TRIM44: variants seen among roughly 807,000 people sequenced by gnomAD.
TRIM44 encodes tripartite motif-containing protein 44.
In TRIM44, 13 loss-of-function variants were observed where a neutral mutation model predicts 37.4. The ratio of observed to expected loss-of-function variants is 0.35; its 90% CI spans 0.23 to 0.55. The LOEUF (loss-of-function observed/expected upper bound fraction) is 0.55. Ranked by LOEUF, TRIM44 falls within the 20% of genes least tolerant of loss-of-function variation. TRIM44 has a pLI of 0.89. For missense variants in TRIM44, 426 were observed against 437.2 expected (o/e 0.97, Z 0.23); for synonymous variants, 175 against 157.2 (o/e 1.11, Z -0.85).
At chr11:35,732,038 T>C (rs544803689) in intron 3 of TRIM44, among the ~76,000 whole-genome samples, 139 of 152,346 alleles carry the variant, frequency 9.1e-4, no homozygotes, top group African/African-American at 3.2e-3. Flanking sequence ...TTAGTTCTTA[T>C]AACTTACTGT....
At chr11:35,791,226 C>T (rs635340) in intron 4 of TRIM44, among the ~76,000 whole-genome samples, 148,082 of 152,168 alleles carry the variant, frequency 0.97, 72,133 homozygotes, top group East Asian at 1. Context: ...TCTGTGCTGA[C>T]GATGTAATCA....
Position 35,663,024 on chromosome 11 carries a change from C to T in TRIM44, c.-88C>T. The T allele has an allele frequency of 7.0e-7, 1 of 1,435,110 alleles. No individual in the cohort carries two copies. The highest frequency in any genetic ancestry group is 9.1e-7 in the Non-Finnish European group (1 of 1,100,394). The allele number at this position is 1,435,110 out of a possible 1,614,324, so 88.9% of individuals were successfully genotyped here. Reference sequence around the variant, plus strand: ...CGGGAGGCGACTCCCTAGGAAGGGACCCGGGGCGGGAGGAGGAAGTGAGGC... The same window carrying T: ...CGGGAGGCGACTCCCTAGGAAGGGATCCGGGGCGGGAGGAGGAAGTGAGGC... On this transcript the variant is annotated 5_prime_UTR_variant, in exon 1 of 5. Coordinates refer to ENST00000299413, the MANE Select transcript of TRIM44 (RefSeq NM_017583.6).
chr11:35,682,702 G>C (rs566550512), intron 1 of TRIM44, among the ~76,000 whole-genome samples: 50 of 152,204 alleles, frequency 3.3e-4, no homozygotes, highest in Middle Eastern at 3.4e-3. Context: ...TCTCTTCCCT[G>C]GTTAGGCGAT....
intron 4 of TRIM44, among the ~76,000 whole-genome samples, chr11:35,759,328 C>T (rs1344376033): frequency 6.6e-6 from 1 of 152,242 alleles, no homozygotes; most frequent in Non-Finnish European, 1.5e-5. Flanking sequence ...ACGTAGTTCA[C>T]ATGCCATGGT....
chr11:35,690,775 T>C (rs1851629195), intron 2 of TRIM44, among the ~76,000 whole-genome samples: 1 of 152,216 alleles, frequency 6.6e-6, no homozygotes, highest in Admixed American at 6.5e-5. Context: ...ATATGTATTA[T>C]CTATTACAGC....
At chr11:35,689,974 A>G (rs2135493303) in intron 2 of TRIM44, among the ~76,000 whole-genome samples, 1 of 152,314 alleles carries the variant, frequency 6.6e-6, no homozygotes, top group South Asian at 2.1e-4. Flanking sequence ...GTGTGCTTGA[A>G]GCAAACAGTT....
rs146985240 is a variant in TRIM44 at position 35,787,127 on chromosome 11, C to T, written c.1008-19231C>T. Among the ~76,000 whole-genome samples the T allele has an allele frequency of 2.1e-3, 323 of 152,178 alleles. 1 individual carries two copies. The highest frequency in any genetic ancestry group is 7.5e-3 in the African/African-American group (312 of 41,546). The stretch of plus-strand genomic sequence containing the variant: ...CTGACCTCTGGGAAAGCGGTGTGGG[C>T]GGGCATGGGGACGAGAGGAGGGAGC... On this transcript the variant is annotated intron_variant, in intron 4 of 4. Coordinates refer to ENST00000299413, the MANE Select transcript of TRIM44 (RefSeq NM_017583.6).
At chr11:35,685,455 C>T (rs1851564171) in intron 2 of TRIM44, 119 bp downstream of exon 2, 1 of 809,958 alleles carries the variant, frequency 1.2e-6, no homozygotes, top group Admixed American at 2.4e-5. Flanking sequence ...TTTAATTAAG[C>T]CTGCCCATCA....
At chr11:35,720,700 A>C (rs1361917260) in intron 2 of TRIM44, among the ~76,000 whole-genome samples, 1 of 152,002 alleles carries the variant, frequency 6.6e-6, no homozygotes, top group African/African-American at 2.4e-5. Context: ...TATTAAGTGG[A>C]GGAAGCTCCC....
chr11:35,787,849 G>A (rs1260458024), intron 4 of TRIM44, among the ~76,000 whole-genome samples: 1 of 152,198 alleles, frequency 6.6e-6, no homozygotes, highest in Non-Finnish European at 1.5e-5. Context: ...CTGTGAGCTA[G>A]GACTTCATAA....
intron 1 of TRIM44, among the ~76,000 whole-genome samples, chr11:35,664,337 G>T (rs945525389): frequency 1.3e-5 from 2 of 152,202 alleles, no homozygotes; most frequent in Non-Finnish European, 2.9e-5. Flanking sequence ...GCCAAATTGG[G>T]GTGGGAGTGG....
rs143689031 is a variant in TRIM44, at chr11:35,692,145, A to AT, written c.747+6819dup. ...AAAGAAGAAAGAAATAAAATCGCCC[A>AT]TTTTTTTTTTATCCTTGCAGTGGTT... On this transcript the variant is annotated intron_variant, in intron 2 of 4. Transcript: ENST00000299413. 4.6e-3 allele frequency among the ~76,000 whole-genome samples: 678 copies of AT among 148,866 alleles called. 15 individuals carry two copies. The East Asian group carries it at 0.089, about 20-fold the overall frequency.
At chr11:35,754,994 T>A (rs1047195084) in intron 4 of TRIM44, among the ~76,000 whole-genome samples, 10 of 152,248 alleles carry the variant, frequency 6.6e-5, no homozygotes, top group East Asian at 1.9e-4. Flanking sequence ...TAGCAGCATG[T>A]TTTATAATCC....
intron 2 of TRIM44, among the ~76,000 whole-genome samples, chr11:35,707,257 C>T (rs1851898174): frequency 6.6e-6 from 1 of 152,034 alleles, no homozygotes; most frequent in Admixed American, 6.6e-5. Context: ...CTCAATGAAA[C>T]AAAAGAGGAT....
intron 2 of TRIM44, among the ~76,000 whole-genome samples, chr11:35,689,387 A>G (rs944513306): frequency 6.6e-6 from 1 of 152,172 alleles, no homozygotes; most frequent in Non-Finnish European, 1.5e-5. Flanking sequence ...GGCATCTAGA[A>G]CCCTCTATAT....
chr11:35,705,356 G>C (rs1344889614), intron 2 of TRIM44, among the ~76,000 whole-genome samples: 7 of 152,138 alleles, frequency 4.6e-5, no homozygotes, highest in African/African-American at 1.7e-4. Flanking sequence ...AGATCAACGA[G>C]ACAGAAAGTT....
Position 35,807,485 on chromosome 11 carries a change from A to G in TRIM44, c.*1100A>G, listed in dbSNP as rs1853467473. 6.6e-6 allele frequency: 1 copy of G among 152,102 alleles called. No homozygotes were observed. The highest frequency in any genetic ancestry group is 2.4e-5 in the African/African-American group (1 of 41,406). The allele number at this position is 152,102 out of a possible 1,614,324, so 9.4% of individuals were successfully genotyped here. On this transcript the variant is annotated 3_prime_UTR_variant, in exon 5 of 5. Coordinates refer to ENST00000299413, the MANE Select transcript of TRIM44 (RefSeq NM_017583.6). ...TCTCACTCTCCTCTTAGTAACAGAG[A>G]CACTCCTGAGGTTGGACTTCCTTGC... is the stretch of plus-strand genomic sequence containing the variant.
At chr11:35,768,237 T>C (rs1168174353) in intron 4 of TRIM44, among the ~76,000 whole-genome samples, 2 of 152,242 alleles carry the variant, frequency 1.3e-5, no homozygotes, top group Non-Finnish European at 2.9e-5. Context: ...TTTAATCCCC[T>C]GCTATGTGGC....
At position 35,736,484 on chromosome 11, in the gene TRIM44, CTTCT is replaced by C. The variant is rs943655796; in HGVS notation, c.1007+1042_1007+1045del. ...ACCTTACTGGAATCAGGATTTGACC[CTTCT>C]TTGTTATTTTGTTTGTTTGTGTGTT... On this transcript the variant is annotated intron_variant, in intron 4 of 4. Transcript: ENST00000299413. Among the ~76,000 whole-genome samples the C allele has an allele frequency of 1.6e-4, 25 of 152,274 alleles. No homozygotes were observed. The East Asian group carries it at 4.4e-3, about 27-fold the overall frequency.
Sources: gnomAD v4.1 joint callset for allele counts (sites outside exome capture counted in the v4.1 genomes callset) on GRCh38, gnomAD v4.1.1 for gene constraint, MANE v1.5 for transcripts, NCBI Gene and HGNC (gene_info 2026-07-23, HGNC 2026-07-21) for gene names.